SYNJ2: variants seen among roughly 807,000 people sequenced by gnomAD.
The protein encoded by SYNJ2 is synaptojanin 2.
SYNJ2 carries 116 observed loss-of-function variants against 141.3 expected under a neutral mutation model. That is an observed-to-expected ratio of 0.82 (90% CI 0.71 to 0.96). The LOEUF (loss-of-function observed/expected upper bound fraction) is 0.96, where lower values mean the gene tolerates loss of function less well. Among genes scored for constraint, SYNJ2 ranks in the 40% least tolerant of loss-of-function variants. The pLI is 0.00. For synonymous variants in SYNJ2, 745 were observed against 777.7 expected, an observed-to-expected ratio of 0.96 and a Z score of 0.70; for missense variants, 1,873 against 1,934.8, an observed-to-expected ratio of 0.97 and a Z score of 0.60.
intron 5 of SYNJ2, among the ~76,000 whole-genome samples, chr6:158,047,943 A>G (rs914691360): frequency 6.6e-6 from 1 of 152,146 alleles, no homozygotes; most frequent in Non-Finnish European, 1.5e-5. Context: ...TGAGCACTGA[A>G]TGAGAGTTTC....
At position 158,077,825 on chromosome 6, in the gene SYNJ2, G is replaced by T. The variant is rs535985716; in HGVS notation, c.2450-339G>T. On this transcript the variant is annotated intron_variant, in intron 17 of 26. Coordinates refer to ENST00000355585, the MANE Select transcript of SYNJ2 (RefSeq NM_003898.4). ...CCTAGAATGAGTCCGAGTGTTCTCA[G>T]CTCCTGCAGCTCTTACCATACCAAT... The T allele has an allele frequency of 2.6e-3, 468 of 179,530 alleles. 2 individuals carry two copies. Among genetic ancestry groups the T allele is most frequent in the Non-Finnish European group, 4.3e-3 (361 of 84,732 alleles). The allele number at this position is 179,530 out of a possible 1,614,324, so 11.1% of individuals were successfully genotyped here. A position where few individuals can be genotyped will look rare whatever the true frequency, so the allele number is the denominator to read the frequency against.
At chr6:158,049,279 G>A (rs1780425207) in intron 5 of SYNJ2, among the ~76,000 whole-genome samples, 1 of 152,166 alleles carries the variant, frequency 6.6e-6, no homozygotes, top group African/African-American at 2.4e-5. Context: ...ACAAAATGCA[G>A]TGACAGTGGT....
intron 1 of SYNJ2, among the ~76,000 whole-genome samples, chr6:157,998,625 T>G (rs1254797510): frequency 1.3e-5 from 2 of 152,208 alleles, no homozygotes; most frequent in Non-Finnish European, 2.9e-5. Context: ...TGCAGAGGTA[T>G]TTAAGTGTAA....
Position 158,095,847 on chromosome 6 carries a change from C to T in SYNJ2, c.3974C>T (p.Ala1325Val), listed in dbSNP as rs774752270. The T allele has an allele frequency of 8.1e-6, 13 of 1,614,082 alleles. No individual in the cohort carries two copies. The highest frequency in any genetic ancestry group is 6.7e-5 in the East Asian group (3 of 44,882). The change falls in exon 27 of 27, where the codon GCG (alanine) becomes GTG (valine). Residue 1325 changes from alanine (A) to valine (V), a missense_variant. Physicochemically the swap from Ala to Val is moderately conservative, Grantham distance 64. Transcript: ENST00000355585. ...AGASVPPPLE[A>V]PPLVPKVPPR... ...GCCTCTGTGCCACCACCTCTGGAGG[C>T]GCCGCCTCTTGTGCCCAAGGTACCC...
intron 1 of SYNJ2, among the ~76,000 whole-genome samples, chr6:157,987,422 G>A (rs1055653564): frequency 3.3e-5 from 5 of 151,884 alleles, no homozygotes; most frequent in Admixed American, 3.3e-4. Context: ...CTTTTTTGAG[G>A]TGGAGTCTTG....
At chr6:157,992,401 CTTTTTTTTT>C (rs57905567) in intron 1 of SYNJ2, among the ~76,000 whole-genome samples, 2 of 120,356 alleles carry the variant, frequency 1.7e-5, no homozygotes, top group African/African-American at 2.7e-5. Context: ...TGGCTTGTTT[CTTTTTTTTT>C]TTTTTTTTTT....
intron 1 of SYNJ2, among the ~76,000 whole-genome samples, chr6:158,011,709 C>T (rs1583314525): frequency 6.6e-6 from 1 of 152,276 alleles, no homozygotes; most frequent in East Asian, 1.9e-4. Context: ...ATCTTCCCAC[C>T]CCTCAAGTGT....
chr6:158,088,033 AATTTTTTTTTT>A (rs1783183451), intron 23 of SYNJ2, among the ~76,000 whole-genome samples: 1 of 36,816 alleles, frequency 2.7e-5, no homozygotes, highest in South Asian at 1.3e-3. Flanking sequence ...CCTGCTTTGG[AATTTTTTTTTT>A]TTTTTTTTTT....
At position 158,059,363 on chromosome 6, in the gene SYNJ2, G is replaced by A. The variant is rs1583429172; in HGVS notation, c.954+10G>A. 1 of 1,549,496 alleles carries A rather than the reference G, an allele frequency of 6.5e-7. No homozygotes were observed. Among genetic ancestry groups the A allele is most frequent in the East Asian group, 2.4e-5 (1 of 40,884 alleles). On this transcript the variant is annotated intron_variant, in intron 7 of 26. Coordinates refer to ENST00000355585, the MANE Select transcript of SYNJ2 (RefSeq NM_003898.4). ...CAACAGAGCCTTCAAGGTAAGGCCAGGCTGTCCTCTCCACAGCTGGGCTGG... is the reference window on the plus strand; with the variant it reads ...CAACAGAGCCTTCAAGGTAAGGCCAAGCTGTCCTCTCCACAGCTGGGCTGG...
At chr6:158,095,594 A>C (rs1259437588) in intron 26 of SYNJ2, 24 bp from the exon 27 acceptor site, 3 of 1,554,204 alleles carry the variant, frequency 1.9e-6, no homozygotes, top group Non-Finnish European at 2.6e-6. Context: ...TCTTATTTAC[A>C]CTCTTTGTCC....
chr6:158,016,764 C>G (rs1021862064), intron 1 of SYNJ2, among the ~76,000 whole-genome samples: 1 of 152,216 alleles, frequency 6.6e-6, no homozygotes, highest in South Asian at 2.1e-4. Context: ...GCCCTGGGCA[C>G]TCAGAGGTAC....
intron 5 of SYNJ2, among the ~76,000 whole-genome samples, chr6:158,045,799 C>T (rs564334421): frequency 3.3e-5 from 5 of 152,288 alleles, no homozygotes; most frequent in South Asian, 4.1e-4. Context: ...TAGCCTGACC[C>T]GCCATGGGAT....
rs1239100124 is a variant in SYNJ2, at chr6:157,982,021, C to A, written c.60C>A (p.Ser20Arg). 2 of 1,329,214 alleles carry A rather than the reference C, an allele frequency of 1.5e-6. No individual in the cohort carries two copies. The highest frequency in any genetic ancestry group is 1.9e-6 in the Non-Finnish European group (2 of 1,043,004). The allele number at this position is 1,329,214 out of a possible 1,614,324, so 82.3% of individuals were successfully genotyped here. A position where few individuals can be genotyped will look rare whatever the true frequency, so the allele number is the denominator to read the frequency against. The change falls in exon 1 of 27, where the codon AGC (serine) becomes AGA (arginine). Residue 20 changes from serine to arginine, a missense_variant. Ser to Arg is a moderately radical substitution (Grantham distance 110, BLOSUM62 -1). Transcript: ENST00000355585. This position sits in a 1 kb window ranked among gnomAD's most constrained non-coding sequence, Gnocchi z 4.0. ...LGRLGAEGDC[S>R]VLLEARGRDD... ...GCCTGGGGGCCGAGGGGGACTGTAG[C>A]GTGCTGCTGGAGGCGCGCGGCCGCG...
intron 1 of SYNJ2, among the ~76,000 whole-genome samples, chr6:157,985,665 C>T (rs1777172097): frequency 6.6e-6 from 1 of 152,180 alleles, no homozygotes; most frequent in Non-Finnish European, 1.5e-5. Flanking sequence ...TGTGTATTTT[C>T]AGAGTAAGCG....
At chr6:158,088,120 G>A (rs568615705) in intron 23 of SYNJ2, among the ~76,000 whole-genome samples, 3 of 121,256 alleles carry the variant, frequency 2.5e-5, no homozygotes, top group African/African-American at 6.5e-5. Context: ...GTGCAGTGGT[G>A]CGATCTCACA....
chr6:157,981,797 G>C (rs549107154), upstream of SYNJ2: 255 of 551,520 alleles, frequency 4.6e-4, no homozygotes, highest in Non-Finnish European at 6.3e-4. The surrounding 1 kb of genome is among the most constrained non-coding windows in gnomAD (Gnocchi z 6.4). Flanking sequence ...AGGCGCGAGT[G>C]GGGAGGAGGA....
At chr6:158,009,842 G>A (rs923693839) in intron 1 of SYNJ2, among the ~76,000 whole-genome samples, 1 of 152,230 alleles carries the variant, frequency 6.6e-6, no homozygotes, top group Non-Finnish European at 1.5e-5. Flanking sequence ...GCACCACTGG[G>A]CTGGTGAGCA....
chr6:158,058,432 T>C (rs1324139970), intron 6 of SYNJ2, among the ~76,000 whole-genome samples: 1 of 152,252 alleles, frequency 6.6e-6, no homozygotes, highest in Non-Finnish European at 1.5e-5. Context: ...ATTTAGAAAG[T>C]AGCTTCCAAT....
chr6:158,023,291 A>G (rs1778874339), intron 2 of SYNJ2, among the ~76,000 whole-genome samples: 1 of 151,832 alleles, frequency 6.6e-6, no homozygotes, highest in South Asian at 2.1e-4. Flanking sequence ...GCAAACAAAC[A>G]AAAAACCCAT....
Sources: allele counts gnomAD v4.1 joint callset (sites outside exome capture counted in the v4.1 genomes callset), GRCh38; gene constraint gnomAD v4.1.1; non-coding constraint Gnocchi (gnomAD v3.1); transcripts MANE v1.5; gene names NCBI Gene and HGNC (gene_info 2026-07-23, HGNC 2026-07-21).